The following CA10 variants were observed in gnomAD, a reference collection of about 807,000 sequenced individuals.
CA10 encodes the protein carbonic anhydrase-related protein 10.
A neutral mutation model predicts 44.2 loss-of-function variants in CA10; 14 were observed. The ratio of observed to expected loss-of-function variants is 0.32; its 90% CI spans 0.21 to 0.50. The LOEUF is 0.50. CA10 is among the 20% of genes least tolerant of loss of function. CA10 has a pLI of 0.99. For synonymous variants in CA10, 159 were observed against 141.6 expected (o/e 1.12, Z -0.87); for missense variants, 350 against 409.7 (o/e 0.85, Z 1.26).
chr17:51,917,285 A>G (rs1025403466), intron 3 of CA10, among the ~76,000 whole-genome samples: 10 of 152,220 alleles, frequency 6.6e-5, no homozygotes, highest in African/African-American at 1.9e-4. Context: ...CCAGCTCCTT[A>G]AGGATACCAC....
chr17:52,034,500 A>C (rs180746057), intron 2 of CA10, among the ~76,000 whole-genome samples: 13 of 152,262 alleles, frequency 8.5e-5, no homozygotes, highest in African/African-American at 3.1e-4. Flanking sequence ...TTCTTAAAAG[A>C]GAAGAGGGAA....
chr17:52,013,434 A>C (rs1985870486), intron 2 of CA10, among the ~76,000 whole-genome samples: 1 of 151,912 alleles, frequency 6.6e-6, no homozygotes, highest in African/African-American at 2.4e-5. Context: ...AAAAATGAAA[A>C]TTATAAGAAT....
chr17:51,862,232 G>C (rs1187175565), intron 3 of CA10, among the ~76,000 whole-genome samples: 1 of 152,140 alleles, frequency 6.6e-6, no homozygotes, highest in African/African-American at 2.4e-5. Flanking sequence ...TAGTTAATTT[G>C]CTCCAACTAG....
At chr17:51,800,437 G>A (rs1180303041) in intron 3 of CA10, among the ~76,000 whole-genome samples, 3 of 151,940 alleles carry the variant, frequency 2.0e-5, no homozygotes, top group African/African-American at 7.3e-5. Context: ...ACAACTCTGT[G>A]GATGTACAAA....
chr17:51,908,484 A>G (rs971089046), intron 3 of CA10, among the ~76,000 whole-genome samples: 1 of 152,168 alleles, frequency 6.6e-6, no homozygotes, highest in East Asian at 1.9e-4. Flanking sequence ...AAAGACTAGA[A>G]TATTTATCAT....
chr17:51,729,719 C>T (rs779603925), intron 4 of CA10, among the ~76,000 whole-genome samples: 8 of 152,214 alleles, frequency 5.3e-5, no homozygotes, highest in Non-Finnish European at 1.2e-4. Flanking sequence ...CTCCTACCAG[C>T]TGGCATGAGT....
chr17:51,859,427 GT>G (rs1979201952), intron 3 of CA10, among the ~76,000 whole-genome samples: 1 of 152,156 alleles, frequency 6.6e-6, no homozygotes, highest in African/African-American at 2.4e-5. Context: ...TTGTTATCCT[GT>G]TCCCTCATAT....
intron 2 of CA10, among the ~76,000 whole-genome samples, chr17:52,051,531 C>T (rs2907780): frequency 0.99 from 151,007 of 152,182 alleles, 74,932 homozygotes; most frequent in East Asian, 1. Context: ...AACAAGTCTA[C>T]AAAAAATAGC....
At chr17:51,685,009 T>A (rs1222725130) in intron 4 of CA10, among the ~76,000 whole-genome samples, 1 of 152,148 alleles carries the variant, frequency 6.6e-6, no homozygotes, top group African/African-American at 2.4e-5. Context: ...CCTTCTTAGG[T>A]CTCACATGTG....
intron 2 of CA10, among the ~76,000 whole-genome samples, chr17:51,999,081 A>G (rs926895931): frequency 1.3e-5 from 2 of 152,030 alleles, no homozygotes; most frequent in Non-Finnish European, 2.9e-5. Flanking sequence ...AAAGATGTAC[A>G]TTTCTTATTA....
chr17:51,653,823 C>T (rs1053228413), intron 4 of CA10, 87 bp from the exon 5 acceptor site: 153 of 761,572 alleles, frequency 2.0e-4, no homozygotes, highest in Non-Finnish European at 3.5e-4. Flanking sequence ...TAAGGGTGAA[C>T]TGCAAAGTAT....
chr17:52,123,772 A>C (rs994100587), intron 1 of CA10, among the ~76,000 whole-genome samples: 1 of 152,228 alleles, frequency 6.6e-6, no homozygotes, highest in Non-Finnish European at 1.5e-5. Flanking sequence ...GACTCAATGC[A>C]TATTTATTGA....
intron 4 of CA10, among the ~76,000 whole-genome samples, chr17:51,700,469 C>T (rs1245187090): frequency 6.6e-6 from 1 of 152,144 alleles, no homozygotes; most frequent in Non-Finnish European, 1.5e-5. Flanking sequence ...CATTGGCCTC[C>T]TTGGTGCTCC....
chr17:52,023,049 AT>A (rs774651310), intron 2 of CA10, among the ~76,000 whole-genome samples: 2 of 152,146 alleles, frequency 1.3e-5, no homozygotes, highest in Non-Finnish European at 2.9e-5. Context: ...CAATCTACAG[AT>A]TTGATGTTAT....
intron 3 of CA10, among the ~76,000 whole-genome samples, chr17:51,845,186 T>G (rs574189787): frequency 6.6e-6 from 1 of 152,344 alleles, no homozygotes; most frequent in South Asian, 2.1e-4. Context: ...CAGGGAATAC[T>G]TTTTTATTGT....
At chr17:51,826,715 G>A (rs1044858709) in intron 3 of CA10, among the ~76,000 whole-genome samples, 6 of 152,154 alleles carry the variant, frequency 3.9e-5, no homozygotes, top group African/African-American at 1.4e-4. Context: ...GGCCAATGAG[G>A]GGCCCTGGCA....
intron 4 of CA10, among the ~76,000 whole-genome samples, chr17:51,735,682 C>A (rs976022485): frequency 6.6e-6 from 1 of 152,282 alleles, no homozygotes. Context: ...CATTGATCCC[C>A]TTAATCCATA....
chr17:51,718,402 GC>G (rs1254297756), intron 4 of CA10, among the ~76,000 whole-genome samples: 1 of 152,142 alleles, frequency 6.6e-6, no homozygotes, highest in Non-Finnish European at 1.5e-5. Context: ...AATCAATTGT[GC>G]CTAGGTAAGG....
intron 3 of CA10, among the ~76,000 whole-genome samples, chr17:51,788,639 AAAAC>A (rs1417999717): frequency 5.9e-5 from 9 of 152,336 alleles, no homozygotes; most frequent in Middle Eastern, 3.4e-3. Flanking sequence ...TAATCTTTAA[AAAAC>A]AAACAAACCT....
Sources: allele counts gnomAD v4.1 joint callset (sites outside exome capture counted in the v4.1 genomes callset), GRCh38; gene constraint gnomAD v4.1.1; transcripts MANE v1.5; gene names NCBI Gene and HGNC (gene_info 2026-07-23, HGNC 2026-07-21).